The following MRPL3 variants were observed in gnomAD, a reference collection of about 807,000 sequenced individuals.
MRPL3 encodes the protein mitochondrial ribosomal protein L3.
A neutral mutation model predicts 44.3 loss-of-function variants in MRPL3; 43 were observed. The ratio of observed to expected loss-of-function variants is 0.97; its 90% confidence interval spans 0.76 to 1.25. MRPL3 has a LOEUF of 1.25. MRPL3 is among the 50% of genes most tolerant of loss of function. MRPL3 has a pLI of 0.00. For missense variants in MRPL3, 406 were observed against 427.6 expected (o/e 0.95, Z 0.45); for synonymous variants, 171 against 152.3 (o/e 1.12, Z -0.91).
At chr3:131,500,083 A>G (rs1329703381) in intron 3 of MRPL3, among the ~76,000 whole-genome samples, 1 of 152,202 alleles carries the variant, frequency 6.6e-6, no homozygotes, top group Non-Finnish European at 1.5e-5. Context: ...AAAAGATCAA[A>G]ACTGTAATCT....
chr3:131,497,900 T>A, intron 4 of MRPL3: 1 of 355,700 alleles, frequency 2.8e-6, no homozygotes. Context: ...ATCTATTAGG[T>A]ATGTAGTATT....
intron 6 of MRPL3, among the ~76,000 whole-genome samples, chr3:131,481,553 C>T (rs1933986866): frequency 6.6e-6 from 1 of 152,174 alleles, no homozygotes; most frequent in African/African-American, 2.4e-5. Context: ...AAGGCCCATG[C>T]TTTTAGCCAC....
chr3:131,478,530 A>G (rs1933904911), intron 6 of MRPL3, among the ~76,000 whole-genome samples: 1 of 152,098 alleles, frequency 6.6e-6, no homozygotes, highest in Non-Finnish European at 1.5e-5. Context: ...ACACTGAAAA[A>G]TCTTAGTCAT....
intron 6 of MRPL3, among the ~76,000 whole-genome samples, chr3:131,472,729 T>C (rs1052169964): frequency 3.9e-5 from 6 of 152,046 alleles, no homozygotes; most frequent in African/African-American, 1.2e-4. Context: ...AGTTGCAGGA[T>C]ATAAAATTAA....
At chr3:131,498,035 T>C (rs1483874051) in intron 4 of MRPL3, 144 bp downstream of exon 4, 1 of 668,850 alleles carries the variant, frequency 1.5e-6, no homozygotes, top group Non-Finnish European at 2.6e-6. Context: ...AAAATGGCTG[T>C]GCCAGACTGC....
intron 6 of MRPL3, among the ~76,000 whole-genome samples, chr3:131,476,771 G>T (rs532370989): frequency 5.3e-5 from 8 of 152,270 alleles, no homozygotes; most frequent in African/African-American, 1.9e-4. Flanking sequence ...CACTTTCAGT[G>T]CACGAAGGGT....
At chr3:131,476,960 G>A (rs1216205732) in intron 6 of MRPL3, among the ~76,000 whole-genome samples, 1 of 152,152 alleles carries the variant, frequency 6.6e-6, no homozygotes, top group Non-Finnish European at 1.5e-5. Context: ...TTGAAGAAAA[G>A]GGGAGAAGCT....
At chr3:131,477,276 C>A (rs978003618) in intron 6 of MRPL3, among the ~76,000 whole-genome samples, 9 of 152,178 alleles carry the variant, frequency 5.9e-5, no homozygotes, top group Non-Finnish European at 1.3e-4. Context: ...CCTCTGAGAA[C>A]TTCCTCTAAA....
chr3:131,463,408 G>T (rs73870976), intron 9 of MRPL3, among the ~76,000 whole-genome samples: 39 of 150,578 alleles, frequency 2.6e-4, no homozygotes, highest in Admixed American at 2.3e-3. Flanking sequence ...CTGTATTGAC[G>T]GAAAATTTAA....
chr3:131,481,846 T>A (rs1271831577), intron 6 of MRPL3, among the ~76,000 whole-genome samples: 1 of 152,206 alleles, frequency 6.6e-6, no homozygotes, highest in Non-Finnish European at 1.5e-5. Context: ...TACATAAAGT[T>A]ACTTGTTAAA....
At position 131,471,172 on chromosome 3, in the gene MRPL3, C is replaced by G; in HGVS notation, c.737G>C (p.Gly246Ala). 1.2e-6 allele frequency: 2 copies of G among 1,606,078 alleles called. No homozygotes were observed. Among genetic ancestry groups the G allele is most frequent in the Middle Eastern group, 1.8e-4 (1 of 5,648 alleles). Reference sequence around the variant, plus strand: ...AAGAGCTTCACTAGTTATACTCACACCAGTTGCAACAGCTCCAGGTCTCCT... The same window carrying G: ...AAGAGCTTCACTAGTTATACTCACAGCAGTTGCAACAGCTCCAGGTCTCCT... ...THRRPGAVAT[G>A]DIGRVWPGTK... The change falls in exon 7 of 10, where the codon GGT becomes GCT. Residue 246 changes from glycine to alanine, a missense_variant and splice_region_variant. Coordinates refer to ENST00000264995, the MANE Select transcript of MRPL3 (RefSeq NM_007208.4).
chr3:131,487,886 T>A (rs1279163017), intron 5 of MRPL3, 146 bp from the exon 6 acceptor site: 2 of 618,884 alleles, frequency 3.2e-6, no homozygotes, highest in Admixed American at 7.0e-5. Context: ...ATCCAAACAA[T>A]GAAATTATTC....
intron 6 of MRPL3, 152 bp from the exon 7 acceptor site, chr3:131,471,431 G>A (rs1933741073): frequency 1.7e-6 from 1 of 598,306 alleles, no homozygotes; most frequent in African/African-American, 1.9e-5. Flanking sequence ...AACTAAAACT[G>A]CAAATAAATA....
intron 9 of MRPL3, among the ~76,000 whole-genome samples, chr3:131,466,312 T>G (rs1933599664): frequency 6.6e-6 from 1 of 152,090 alleles, no homozygotes; most frequent in South Asian, 2.1e-4. Flanking sequence ...AAGAGTATAC[T>G]CTGGAGAACA....
At chr3:131,487,326 C>G (rs943696558) in intron 6 of MRPL3, 1 of 198,304 alleles carries the variant, frequency 5.0e-6, no homozygotes, top group African/African-American at 2.4e-5. Context: ...GGAGGGATAG[C>G]ATTAAGAGAA....
intron 4 of MRPL3, among the ~76,000 whole-genome samples, chr3:131,490,471 C>T (rs776483869): frequency 2.0e-5 from 3 of 152,152 alleles, no homozygotes; most frequent in Non-Finnish European, 4.4e-5. Flanking sequence ...GAAGAAAACA[C>T]GGTATGTTAC....
intron 6 of MRPL3, among the ~76,000 whole-genome samples, chr3:131,483,330 T>G (rs761024972): frequency 2.0e-5 from 3 of 152,170 alleles, no homozygotes; most frequent in Non-Finnish European, 4.4e-5. Flanking sequence ...AACTACCATA[T>G]TTCAAAGACT....
At chr3:131,498,374 C>T (rs1164143686) in intron 3 of MRPL3, 97 bp from the exon 4 acceptor site, 2 of 671,572 alleles carry the variant, frequency 3.0e-6, no homozygotes, top group African/African-American at 3.7e-5. Context: ...TAGGAATTCC[C>T]TACAGTTACT....
intron 8 of MRPL3, among the ~76,000 whole-genome samples, chr3:131,469,361 A>G (rs372912162): frequency 3.3e-5 from 5 of 152,076 alleles, no homozygotes; most frequent in Admixed American, 2.0e-4. Flanking sequence ...CTTTTACTCA[A>G]TAAAGAGTAT....
Sources: gnomAD v4.1 joint callset for allele counts (sites outside exome capture counted in the v4.1 genomes callset) on GRCh38, gnomAD v4.1.1 for gene constraint, MANE v1.5 for transcripts, NCBI Gene and HGNC (gene_info 2026-07-23, HGNC 2026-07-21) for gene names.